Variants in EPHB1 observed in about 807,000 individuals in gnomAD.
EPHB1 encodes EPH receptor B1, also known as ephrin type-B receptor 1.
A neutral mutation model predicts 94.4 loss-of-function variants in EPHB1; 30 were observed. The ratio of observed to expected loss-of-function variants is 0.32; its 90% CI spans 0.24 to 0.43. The LOEUF (loss-of-function observed/expected upper bound fraction) is 0.43. Among genes scored for constraint, EPHB1 ranks in the 20% least tolerant of loss-of-function variants. The probability of loss-of-function intolerance (pLI) is 1.00; values close to 1 mark genes in which losing one functional copy is unlikely to be tolerated. For missense variants in EPHB1, 1,055 were observed against 1,308.3 expected (o/e 0.81, Z 2.99); for synonymous variants, 522 against 489.1 (o/e 1.07, Z -0.89).
chr3:135,077,563 A>C (rs1376072221), intron 3 of EPHB1, among the ~76,000 whole-genome samples: 1 of 152,236 alleles, frequency 6.6e-6, no homozygotes, highest in Non-Finnish European at 1.5e-5. Flanking sequence ...AGATGGTCTC[A>C]AACCTAGGTA....
chr3:135,200,410 C>A (rs536788985), intron 11 of EPHB1, among the ~76,000 whole-genome samples: 3,905 of 152,220 alleles, frequency 0.026, 73 homozygotes, highest in Non-Finnish European at 0.041. Context: ...AGGAGAGTTC[C>A]CTGTGCCAGA....
chr3:135,258,919 A>G, intron 15 of EPHB1, 93 bp from the exon 16 acceptor site: 1 of 1,098,318 alleles, frequency 9.1e-7, no homozygotes. Context: ...TAGCATGGCT[A>G]CTTCCCAAGA....
At chr3:135,211,935 T>C (rs1389671506) in intron 12 of EPHB1, among the ~76,000 whole-genome samples, 1 of 152,200 alleles carries the variant, frequency 6.6e-6, no homozygotes, top group Non-Finnish European at 1.5e-5. Flanking sequence ...TTTGTTCTTT[T>C]TTCCTCCTTC....
intron 15 of EPHB1, among the ~76,000 whole-genome samples, chr3:135,252,174 T>C (rs902272454): frequency 2.6e-5 from 4 of 151,698 alleles, no homozygotes; most frequent in Non-Finnish European, 5.9e-5. Flanking sequence ...TTTCTGTCCA[T>C]AGCTTAATTT....
At chr3:134,898,297 A>G (rs1004841346) in intron 1 of EPHB1, among the ~76,000 whole-genome samples, 9 of 152,050 alleles carry the variant, frequency 5.9e-5, no homozygotes, top group African/African-American at 1.9e-4. Context: ...TTTTCAGATG[A>G]AAAAAAATCA....
At position 135,256,397 on chromosome 3, in the gene EPHB1, C is replaced by G. The variant is rs185385891; in HGVS notation, c.2847-2615C>G. On this transcript the variant is annotated intron_variant, in intron 15 of 15. Coordinates refer to ENST00000398015, the MANE Select transcript of EPHB1 (RefSeq NM_004441.5). ...ATATTTAGCGCTTCCTTCAGGAGCT[C>G]TTGTAGGGCAGGTCTGGTGGTGACA... 6.2e-4 allele frequency among the ~76,000 whole-genome samples: 94 copies of G among 152,128 alleles called. 3 individuals are homozygous for G. In the East Asian group the frequency reaches 0.013, roughly 21 times the overall value.
intron 3 of EPHB1, among the ~76,000 whole-genome samples, chr3:135,028,419 GT>G (rs1214664034): frequency 7.8e-6 from 1 of 128,848 alleles, no homozygotes; most frequent in African/African-American, 2.8e-5. Flanking sequence ...ATTCTGGTAT[GT>G]TGTGTCTTTG....
At chr3:134,868,205 C>T (rs1209575481) in intron 1 of EPHB1, among the ~76,000 whole-genome samples, 6 of 152,142 alleles carry the variant, frequency 3.9e-5, no homozygotes. Context: ...GTTGGCTGCT[C>T]TATCAAAGAG....
chr3:135,241,126 C>T, intron 12 of EPHB1, 22 bp from the exon 13 acceptor site: 1 of 1,614,104 alleles, frequency 6.2e-7, no homozygotes, highest in Non-Finnish European at 8.5e-7. Flanking sequence ...GTTGGGCTGA[C>T]CACGGTTTCT....
At chr3:135,049,352 T>C (rs947885065) in intron 3 of EPHB1, among the ~76,000 whole-genome samples, 2 of 138,714 alleles carry the variant, frequency 1.4e-5, no homozygotes, top group Non-Finnish European at 3.2e-5. Flanking sequence ...TTGCTCACCT[T>C]CTTTTGTGCA....
chr3:134,888,095 G>A (rs1340149814), intron 1 of EPHB1, among the ~76,000 whole-genome samples: 2 of 152,182 alleles, frequency 1.3e-5, no homozygotes, highest in African/African-American at 2.4e-5. Flanking sequence ...CCTTGAAAAC[G>A]GGTGGCGAGG....
chr3:134,960,046 T>A (rs1211436898), intron 3 of EPHB1, among the ~76,000 whole-genome samples: 2 of 135,950 alleles, frequency 1.5e-5, no homozygotes, highest in African/African-American at 2.9e-5. Context: ...GTTTGAAAGA[T>A]GGAGATGAAA....
At chr3:134,859,880 A>G (rs980033338) in intron 1 of EPHB1, among the ~76,000 whole-genome samples, 2 of 152,042 alleles carry the variant, frequency 1.3e-5, no homozygotes, top group African/African-American at 4.8e-5. Context: ...TATTCTCTTC[A>G]TCATTTTGTT....
chr3:135,248,575 C>A, intron 14 of EPHB1, 66 bp downstream of exon 14: 3 of 1,454,590 alleles, frequency 2.1e-6, no homozygotes, highest in Non-Finnish European at 9.2e-7. Flanking sequence ...TAGCCAGCAG[C>A]CTCTGACCAT....
At chr3:135,222,631 G>A (rs1440916493) in intron 12 of EPHB1, among the ~76,000 whole-genome samples, 1 of 152,142 alleles carries the variant, frequency 6.6e-6, no homozygotes. Flanking sequence ...AAAACAGGGA[G>A]TAAACATGAG....
intron 11 of EPHB1, among the ~76,000 whole-genome samples, chr3:135,200,797 G>T (rs781580776): frequency 6.6e-6 from 1 of 152,142 alleles, no homozygotes; most frequent in Non-Finnish European, 1.5e-5. Flanking sequence ...TCATATTTTG[G>T]GGGGGAGTTA....
In EPHB1 at chr3:135,248,353, C is replaced by G. The variant is rs1473679734; in HGVS notation, c.2534C>G (p.Pro845Arg). 1.3e-6 allele frequency: 2 copies of G among 1,598,542 alleles called. No homozygotes were observed. The highest frequency in any genetic ancestry group is 1.7e-5 in the Admixed American group (1 of 59,496). ...ATCGAGCAGGACTACCGGCTGCCCCCACCCATGGACTGTCCAGCTGCTCTA... is the reference window on the plus strand; with the variant it reads ...ATCGAGCAGGACTACCGGCTGCCCCGACCCATGGACTGTCCAGCTGCTCTA... ...NAIEQDYRLP[P>R]PMDCPAALHQ... is the part of the protein sequence containing the mutation. Residue 845 changes from proline to arginine, a missense_variant, in exon 14 of 16, where the codon CCA becomes CGA. By Grantham distance (103) the Pro-to-Arg change is moderately radical (BLOSUM62 -2). Transcript: ENST00000398015.
intron 1 of EPHB1, among the ~76,000 whole-genome samples, chr3:134,867,184 T>G (rs2037398248): frequency 6.6e-6 from 1 of 152,194 alleles, no homozygotes; most frequent in Non-Finnish European, 1.5e-5. Flanking sequence ...TTCATGAGCC[T>G]TAGGTATGCC....
chr3:135,142,386 G>T (rs1423953835), intron 5 of EPHB1, among the ~76,000 whole-genome samples: 1 of 152,178 alleles, frequency 6.6e-6, no homozygotes, highest in Non-Finnish European at 1.5e-5. Context: ...GGCCCTACAA[G>T]AAACAGATCA....
Sources: gnomAD v4.1 joint callset for allele counts (sites outside exome capture counted in the v4.1 genomes callset) on GRCh38, gnomAD v4.1.1 for gene constraint, MANE v1.5 for transcripts, NCBI Gene and HGNC (gene_info 2026-07-23, HGNC 2026-07-21) for gene names.